The following BAZ1B variants were observed in gnomAD, a reference collection of about 807,000 sequenced individuals.
BAZ1B encodes bromodomain adjacent to zinc finger domain 1B.
In BAZ1B, 22 loss-of-function variants were observed where a neutral mutation model predicts 153.8. That is an observed-to-expected ratio of 0.14 (90% CI 0.10 to 0.20). The LOEUF is 0.20. Ranked by LOEUF, BAZ1B falls within the 10% of genes least tolerant of loss-of-function variation. The pLI is 1.00. For synonymous variants in BAZ1B, 676 were observed against 633.4 expected, an observed-to-expected ratio of 1.07 and a Z score of -1.01; for missense variants, 1,325 against 1,799.3, an observed-to-expected ratio of 0.74 and a Z score of 4.77.
intron 13 of BAZ1B, among the ~76,000 whole-genome samples, chr7:73,454,619 G>C (rs1263790955): frequency 1.3e-5 from 2 of 152,178 alleles, no homozygotes; most frequent in Non-Finnish European, 2.9e-5. Context: ...CAGTGACAAA[G>C]AGCCCAATTT....
At position 73,447,298 on chromosome 7, in the gene BAZ1B, C is replaced by T. The variant is rs1554566892; in HGVS notation, c.3810G>A (p.Glu1270=). 8 of 1,608,850 alleles carry T rather than the reference C, an allele frequency of 5.0e-6. No individual in the cohort carries two copies. The highest frequency in any genetic ancestry group is 6.8e-6 in the Non-Finnish European group (8 of 1,175,212). The change falls in exon 16 of 20, where the codon GAG becomes GAA. Residue 1270 remains glutamate, a synonymous_variant. Coordinates refer to ENST00000339594, the MANE Select transcript of BAZ1B (RefSeq NM_032408.4). ...DEEEEEEEEE[E]EEEDYEVAGL... ...CAGCCACCTCATAATCTTCTTCCTCCTCCTCCTCTTCTTCCTCCTCCTCCT... is the reference window on the plus strand; with the variant it reads ...CAGCCACCTCATAATCTTCTTCCTCTTCCTCCTCTTCTTCCTCCTCCTCCT...
At chr7:73,484,166 T>C (rs560108025) in intron 6 of BAZ1B, among the ~76,000 whole-genome samples, 4 of 152,032 alleles carry the variant, frequency 2.6e-5, no homozygotes, top group Non-Finnish European at 5.9e-5. Context: ...CTCGGGAGGC[T>C]GAGGCAGGAG....
chr7:73,459,475 T>C, intron 13 of BAZ1B, 61 bp downstream of exon 13: 4 of 1,551,972 alleles, frequency 2.6e-6, no homozygotes. Flanking sequence ...GGTTAGATTA[T>C]TTTAAAACCA....
rs1554568048 is a variant in BAZ1B at position 73,450,957 on chromosome 7, C to T, written c.3470G>A (p.Arg1157Gln). 8 of 1,614,136 alleles carry T rather than the reference C, an allele frequency of 5.0e-6. No homozygotes were observed. The highest frequency in any genetic ancestry group is 1.7e-5 in the Admixed American group (1 of 60,010). The change falls in exon 14 of 20, where the codon CGG (arginine) becomes CAG (glutamine). Residue 1157 changes from arginine (R) to glutamine (Q), a missense_variant. This residue lies in a region of BAZ1B where 431 missense variants were observed against 563.5 expected (regional missense o/e 0.76). Transcript: ENST00000339594. This position sits in a 1 kb window ranked among gnomAD's most constrained non-coding sequence, Gnocchi z 4.1. ...CATCCTGGAGAAAGTCTGAGCTTCC[C>T]GGATTGCTGTCTTCCATTTCTCCAG... ...SALEKWKTAI[R>Q]EAQTFSRMHV...
chr7:73,514,987 G>A (rs906220583), intron 1 of BAZ1B, among the ~76,000 whole-genome samples: 1 of 151,872 alleles, frequency 6.6e-6, no homozygotes, highest in Non-Finnish European at 1.5e-5. Context: ...GCAGAGAACT[G>A]CTTGAATGAG....
intron 3 of BAZ1B, among the ~76,000 whole-genome samples, chr7:73,507,023 C>T (rs1188003518): frequency 1.3e-5 from 2 of 148,944 alleles, no homozygotes; most frequent in African/African-American, 2.5e-5. Context: ...GGACTACAGG[C>T]GCCCGCCACC....
Position 73,463,188 on chromosome 7 carries a change from A to G in BAZ1B, c.3072-89T>C, listed in dbSNP as rs142032674. Reference sequence around the variant, plus strand: ...CAATTACTTAACATGTTTTATTTCTAGAAAACTTACTTAGATCTCTTTCAC... The same window carrying G: ...CAATTACTTAACATGTTTTATTTCTGGAAAACTTACTTAGATCTCTTTCAC... On this transcript the variant is annotated intron_variant, in intron 11 of 19. Transcript: ENST00000339594. 2,325 of 1,266,336 alleles carry G rather than the reference A, an allele frequency of 1.8e-3. 12 individuals carry two copies. Among genetic ancestry groups the G allele is most frequent in the South Asian group, 9.7e-3 (663 of 68,362 alleles). 78.4% of individuals were successfully genotyped at this position (1,266,336 alleles called of 1,614,324 possible).
intron 12 of BAZ1B, 51 bp from the exon 13 acceptor site, chr7:73,459,769 G>C: frequency 6.7e-7 from 1 of 1,482,284 alleles, no homozygotes; most frequent in Non-Finnish European, 9.1e-7. Flanking sequence ...AGAGGAAGAC[G>C]AAAGGAATCC....
intron 3 of BAZ1B, among the ~76,000 whole-genome samples, chr7:73,501,252 G>T (rs895931885): frequency 1.3e-5 from 2 of 152,092 alleles, no homozygotes; most frequent in South Asian, 4.2e-4. Flanking sequence ...ATGAAACTCC[G>T]CCTCAAAACA....
intron 12 of BAZ1B, among the ~76,000 whole-genome samples, chr7:73,461,700 A>G (rs1788402105): frequency 6.6e-6 from 1 of 152,244 alleles, no homozygotes; most frequent in South Asian, 2.1e-4. Context: ...TAGCAAAGAA[A>G]AACAAGCTAA....
intron 4 of BAZ1B, among the ~76,000 whole-genome samples, chr7:73,496,683 T>TA (rs1670923674): frequency 6.6e-6 from 1 of 152,150 alleles, no homozygotes; most frequent in Non-Finnish European, 1.5e-5. Context: ...ACATTATTGT[T>TA]AGAGTCTCCA....
Position 73,476,928 on chromosome 7 carries a change from T to G in BAZ1B, c.2533A>C (p.Arg845=). 1 of 1,612,784 alleles carries G rather than the reference T, an allele frequency of 6.2e-7. No individual in the cohort carries two copies. Among genetic ancestry groups the G allele is most frequent in the East Asian group, 2.2e-5 (1 of 44,878 alleles). The change falls in exon 7 of 20, where the codon AGA becomes CGA. Residue 845 remains arginine (R), a synonymous_variant. Coordinates refer to ENST00000339594, the MANE Select transcript of BAZ1B (RefSeq NM_032408.4). ...AEDMISAVKS[R]RLLAIQAKKE... ...TTAGCTTGAATGGCAAGCAACCTTCTGCTCTTCACAGCACTAATCATGTCT... is the reference window on the plus strand; with the variant it reads ...TTAGCTTGAATGGCAAGCAACCTTCGGCTCTTCACAGCACTAATCATGTCT...
At position 73,521,131 on chromosome 7, in the gene BAZ1B, A is replaced by C. The variant is rs1791019850; in HGVS notation, c.107+696T>G. The stretch of plus-strand genomic sequence containing the variant: ...TGTTTGTTTAATTTTAACAAATACC[A>C]ATCTCCTTCTAAACCTTCAAAATTT... On this transcript the variant is annotated intron_variant, in intron 1 of 19. Coordinates refer to ENST00000339594, the MANE Select transcript of BAZ1B (RefSeq NM_032408.4). 2.0e-5 allele frequency among the ~76,000 whole-genome samples: 3 copies of C among 152,212 alleles called. No individual in the cohort carries two copies. In the South Asian group the frequency reaches 6.2e-4, roughly 32 times the overall value.
intron 7 of BAZ1B, among the ~76,000 whole-genome samples, chr7:73,473,543 G>A (rs1191718520): frequency 1.3e-5 from 2 of 151,972 alleles, no homozygotes; most frequent in Admixed American, 6.6e-5. Context: ...ACAGAGCGAC[G>A]CTCTGTATCC....
rs1554575740 is a variant in BAZ1B, at chr7:73,492,789, T to G, written c.693+11A>C. ...CATCTATCACATGTAAAAAGTAAAG[T>G]GTCAACTAACCTTATCTTCATTTTG... On this transcript the variant is annotated intron_variant, in intron 5 of 19. Coordinates refer to ENST00000339594, the MANE Select transcript of BAZ1B (RefSeq NM_032408.4). The G allele has an allele frequency of 1.3e-6, 2 of 1,588,786 alleles. No individual in the cohort carries two copies. The highest frequency in any genetic ancestry group is 2.3e-5 in the South Asian group (2 of 86,336).
At chr7:73,508,273 G>T (rs1330674343) in intron 3 of BAZ1B, 54 bp downstream of exon 3, 1 of 1,579,676 alleles carries the variant, frequency 6.3e-7, no homozygotes, top group African/African-American at 1.4e-5. Flanking sequence ...TGTAACCTAC[G>T]ATGACAGCTC....
intron 1 of BAZ1B, among the ~76,000 whole-genome samples, chr7:73,519,791 G>A (rs533888806): frequency 5.3e-5 from 8 of 151,058 alleles, no homozygotes; most frequent in Non-Finnish European, 8.9e-5. Flanking sequence ...AACCAGACCT[G>A]AGAAAGTATC....
Position 73,450,922 on chromosome 7 carries a change from G to A in BAZ1B, c.3505C>T (p.Leu1169Phe), listed in dbSNP as rs1242281814. 6.2e-7 allele frequency: 1 copy of A among 1,614,014 alleles called. No individual in the cohort carries two copies. Among genetic ancestry groups the A allele is most frequent in the Non-Finnish European group, 8.5e-7 (1 of 1,180,048 alleles). The part of the protein sequence containing the change: ...AQTFSRMHVL[L>F]GMLDACIKWD... ...TTGATACAGGCATCAAGCATCCCAA[G>A]CAGCACGTGCATCCTGGAGAAAGTC... Residue 1169 changes from leucine (L) to phenylalanine (F), a missense_variant, in exon 14 of 20, where the codon CTT (leucine) becomes TTT (phenylalanine). By Grantham distance (22) the Leu-to-Phe change is conservative (BLOSUM62 0). Transcript: ENST00000339594. The surrounding 1 kb of genome is among the most constrained non-coding windows in gnomAD (Gnocchi z 4.1).
At chr7:73,506,562 A>C (rs1367147579) in intron 3 of BAZ1B, among the ~76,000 whole-genome samples, 1 of 151,106 alleles carries the variant, frequency 6.6e-6, no homozygotes, top group African/African-American at 2.4e-5. Flanking sequence ...CTTGGATTAA[A>C]CATGTCTGAG....
Sources: allele counts gnomAD v4.1 joint callset (sites outside exome capture counted in the v4.1 genomes callset), GRCh38; gene constraint gnomAD v4.1.1; regional missense constraint gnomAD v4.1.1; non-coding constraint Gnocchi (gnomAD v3.1); transcripts MANE v1.5; gene names NCBI Gene and HGNC (gene_info 2026-07-23, HGNC 2026-07-21).